The following YTHDF2 variants were observed in gnomAD, a reference collection of about 807,000 sequenced individuals.
YTHDF2 encodes YTH N6-methyladenosine RNA binding protein F2.
Under a neutral mutation model 50.4 loss-of-function variants are expected in YTHDF2, and 2 were observed. The ratio of observed to expected loss-of-function variants is 0.04; its 90% CI spans 0.02 to 0.12. YTHDF2 has a LOEUF of 0.12. YTHDF2 is among the 10% of genes least tolerant of loss of function. YTHDF2 has a pLI of 1.00. For synonymous variants in YTHDF2, 217 were observed against 255.6 expected, an observed-to-expected ratio of 0.85 and a Z score of 1.44; for missense variants, 483 against 722.6, an observed-to-expected ratio of 0.67 and a Z score of 3.80.
chr1:28,740,236 G>A (rs1429123670), intron 3 of YTHDF2: 3 of 152,206 alleles, frequency 2.0e-5, no homozygotes, highest in Admixed American at 2.0e-4. Flanking sequence ...AACAGGGAGA[G>A]TTGGAGCATT....
At chr1:28,747,787 A>G (rs556424204) in intron 4 of YTHDF2, among the ~76,000 whole-genome samples, 103 of 151,758 alleles carry the variant, frequency 6.8e-4, no homozygotes, top group African/African-American at 1.9e-3. Context: ...AAAGGCTTCA[A>G]TTATACTTCT....
chr1:28,737,624 A>C (rs1182512082), intron 1 of YTHDF2, 34 bp from the exon 2 acceptor site: 1 of 1,613,232 alleles, frequency 6.2e-7, no homozygotes, highest in South Asian at 1.1e-5. Context: ...CCTTTGGACA[A>C]CTTGCTGCTC....
chr1:28,741,364 C>A (rs2087773923), intron 3 of YTHDF2, among the ~76,000 whole-genome samples: 1 of 151,932 alleles, frequency 6.6e-6, no homozygotes, highest in South Asian at 2.1e-4. Context: ...GTGGTGCCAT[C>A]TGGGCTCACT....
intron 4 of YTHDF2, among the ~76,000 whole-genome samples, chr1:28,747,353 C>T (rs909115454): frequency 1.7e-4 from 26 of 151,268 alleles, no homozygotes; most frequent in African/African-American, 6.3e-4. Context: ...GAGCAGATCA[C>T]GATGTCAGGA....
intron 4 of YTHDF2, among the ~76,000 whole-genome samples, chr1:28,760,439 C>T (rs1019893103): frequency 3.9e-5 from 6 of 152,066 alleles, no homozygotes; most frequent in East Asian, 1.9e-4. Context: ...GGACTACAGG[C>T]GCCCGCCACC....
In YTHDF2 at chr1:28,742,960, C is replaced by G; in HGVS notation, c.690C>G (p.Thr230=). 6.2e-7 allele frequency: 1 copy of G among 1,614,132 alleles called. No individual in the cohort carries two copies. The highest frequency in any genetic ancestry group is 8.5e-7 in the Non-Finnish European group (1 of 1,180,028). Residue 230 remains threonine (T), a synonymous_variant, in exon 4 of 5, where the codon ACC becomes ACG. Transcript: ENST00000373812. ...IVASNSLPPA[T]IAPPKPASWA... Reference sequence around the variant, plus strand: ...CTTCCAATAGTTTGCCTCCAGCCACCATTGCTCCTCCAAAACCAGCATCTT... The same window carrying G: ...CTTCCAATAGTTTGCCTCCAGCCACGATTGCTCCTCCAAAACCAGCATCTT...
Position 28,737,573 on chromosome 1 carries a change from C to T in YTHDF2, c.28-85C>T, listed in dbSNP as rs1276844414. The T allele has an allele frequency of 1.1e-5, 17 of 1,591,890 alleles. 1 individual carries two copies. In the South Asian group the frequency reaches 1.3e-4, roughly 13 times the overall value. On this transcript the variant is annotated intron_variant, in intron 1 of 4. Transcript: ENST00000373812. Reference sequence around the variant, plus strand: ...CCTCGGGCCTGCTCCTTTATTCTCCCTTCGGGCCCTGCCTTAATTTGTTCT... The same window carrying T: ...CCTCGGGCCTGCTCCTTTATTCTCCTTTCGGGCCCTGCCTTAATTTGTTCT...
At chr1:28,749,357 T>C (rs1236486944) in intron 4 of YTHDF2, among the ~76,000 whole-genome samples, 2 of 151,902 alleles carry the variant, frequency 1.3e-5, no homozygotes, top group African/African-American at 4.8e-5. Flanking sequence ...TTTTTTTGTA[T>C]TTTTAGTAGA....
chr1:28,763,174 G>T (rs1453225525), intron 4 of YTHDF2, among the ~76,000 whole-genome samples: 2 of 152,166 alleles, frequency 1.3e-5, no homozygotes, highest in African/African-American at 4.8e-5. Context: ...AGGGCCTAAG[G>T]TGGATGGGTG....
rs568509461 is a variant in YTHDF2, at chr1:28,751,115, G to T, written c.1716+7129G>T. Among the ~76,000 whole-genome samples the T allele has an allele frequency of 7.4e-4, 33 of 44,532 alleles. No homozygotes were observed. In the East Asian group the frequency reaches 8.4e-3, roughly 11 times the overall value. The allele number at this position is 44,532 out of a possible 152,430, so 29.2% of individuals were successfully genotyped here. On this transcript the variant is annotated intron_variant, in intron 4 of 4. Coordinates refer to ENST00000373812, the MANE Select transcript of YTHDF2 (RefSeq NM_016258.3). Reference sequence around the variant, plus strand: ...CAAAAAAAAAAAAAAAAAAAAGGCTGGGCGTGGTGGTGCACGCTAGTAATC... The same window carrying T: ...CAAAAAAAAAAAAAAAAAAAAGGCTTGGCGTGGTGGTGCACGCTAGTAATC...
chr1:28,741,839 A>G (rs1407763140), intron 3 of YTHDF2, among the ~76,000 whole-genome samples: 1 of 152,196 alleles, frequency 6.6e-6, no homozygotes, highest in African/African-American at 2.4e-5. Flanking sequence ...TAGGAAGTTG[A>G]TAAAAGGATT....
At chr1:28,764,679 T>G (rs2088190723) in intron 4 of YTHDF2, among the ~76,000 whole-genome samples, 1 of 150,856 alleles carries the variant, frequency 6.6e-6, no homozygotes, top group African/African-American at 2.4e-5. Flanking sequence ...AGTGCTGGGA[T>G]TACAGGCGTG....
chr1:28,764,398 A>G (rs770553034), intron 4 of YTHDF2, among the ~76,000 whole-genome samples: 2 of 150,916 alleles, frequency 1.3e-5, no homozygotes, highest in Non-Finnish European at 3.0e-5. Flanking sequence ...AGCCTCCCAA[A>G]TGGCTGGGAT....
At chr1:28,765,228 CT>C (rs947395058) in intron 4 of YTHDF2, among the ~76,000 whole-genome samples, 3 of 151,982 alleles carry the variant, frequency 2.0e-5, no homozygotes. Context: ...GTCTCGAACT[CT>C]GGCCTTAAGT....
chr1:28,737,229 A>G (rs1265247909), intron 1 of YTHDF2, 82 bp downstream of exon 1: 1 of 1,474,262 alleles, frequency 6.8e-7, no homozygotes. Context: ...GCTCCTGGGC[A>G]GGCCGAGCCG....
chr1:28,754,542 G>A (rs890319937), intron 4 of YTHDF2, among the ~76,000 whole-genome samples: 4 of 148,580 alleles, frequency 2.7e-5, no homozygotes, highest in African/African-American at 1.0e-4. Context: ...AAAAAAAATT[G>A]GCCGGGCGCG....
chr1:28,766,241 G>T (rs148255309), intron 4 of YTHDF2, among the ~76,000 whole-genome samples: 1 of 149,484 alleles, frequency 6.7e-6, no homozygotes, highest in Non-Finnish European at 1.5e-5. Flanking sequence ...ACAGGTGCAT[G>T]CCACCACACC....
rs769728659 is a variant in YTHDF2, at chr1:28,742,636, T to C, written c.366T>C (p.Phe122=). 4.3e-6 allele frequency: 7 copies of C among 1,614,058 alleles called. 1 individual carries two copies. In the South Asian group the frequency reaches 7.7e-5, roughly 18 times the overall value. ...GSTPFLGQHG[F]NFFPSGIDFS... Reference sequence around the variant, plus strand: ...CTCCATTTCTTGGTCAGCATGGTTTTAATTTCTTTCCCAGTGGGATTGACT... The same window carrying C: ...CTCCATTTCTTGGTCAGCATGGTTTCAATTTCTTTCCCAGTGGGATTGACT... Residue 122 remains phenylalanine (F), a synonymous_variant, in exon 4 of 5, where the codon TTT becomes TTC. Transcript: ENST00000373812.
At chr1:28,748,423 C>A (rs1391192591) in intron 4 of YTHDF2, among the ~76,000 whole-genome samples, 2 of 152,108 alleles carry the variant, frequency 1.3e-5, no homozygotes, top group East Asian at 1.9e-4. Flanking sequence ...AGCTTTCATG[C>A]CAGATGGGTG....
Sources: allele counts gnomAD v4.1 joint callset (sites outside exome capture counted in the v4.1 genomes callset), GRCh38; gene constraint gnomAD v4.1.1; transcripts MANE v1.5; gene names NCBI Gene and HGNC (gene_info 2026-07-23, HGNC 2026-07-21).